The following UMAD1 variants were observed in gnomAD, a reference collection of about 807,000 sequenced individuals.
The protein encoded by UMAD1 is UBAP1-MVB12-associated (UMA) domain containing 1.
Under a neutral mutation model 6.1 loss-of-function variants are expected in UMAD1, and 8 were observed. That is an observed-to-expected ratio of 1.30 (90% confidence interval 0.76 to 2.35). The LOEUF (loss-of-function observed/expected upper bound fraction) is 2.35, where lower values mean the gene tolerates loss of function less well. Among genes scored for constraint, UMAD1 ranks in the 30% most tolerant of loss-of-function variants. The pLI is 0.00. For synonymous variants in UMAD1, 56 were observed against 31.4 expected (o/e 1.78, Z -2.61); for missense variants, 130 against 78.4 (o/e 1.66, Z -2.49).
At chr7:7,834,565 A>G (rs994797051) in intron 3 of UMAD1, among the ~76,000 whole-genome samples, 1 of 151,988 alleles carries the variant, frequency 6.6e-6, no homozygotes. Flanking sequence ...TCGGTTCCTG[A>G]TGAAGAACCC....
At chr7:7,716,533 G>C (rs937574928) in intron 2 of UMAD1, among the ~76,000 whole-genome samples, 1 of 152,220 alleles carries the variant, frequency 6.6e-6, no homozygotes, top group South Asian at 2.1e-4. Flanking sequence ...TTGGAAGCCA[G>C]GTATGTTCAA....
chr7:7,794,535 T>G (rs1002312699), intron 2 of UMAD1, among the ~76,000 whole-genome samples: 2 of 152,156 alleles, frequency 1.3e-5, no homozygotes, highest in Non-Finnish European at 2.9e-5. Flanking sequence ...AGGAGAGATC[T>G]TGGTATACCC....
At chr7:7,686,171 C>T (rs1780038032) in intron 2 of UMAD1, among the ~76,000 whole-genome samples, 1 of 152,040 alleles carries the variant, frequency 6.6e-6, no homozygotes, top group Non-Finnish European at 1.5e-5. Flanking sequence ...GGTAGAGGAG[C>T]AAAACTATTC....
At chr7:7,786,555 T>C (rs1782465186) in intron 2 of UMAD1, among the ~76,000 whole-genome samples, 1 of 152,182 alleles carries the variant, frequency 6.6e-6, no homozygotes, top group Admixed American at 6.5e-5. Context: ...GAGTAAACAT[T>C]CAGAATTCCC....
intron 2 of UMAD1, among the ~76,000 whole-genome samples, chr7:7,770,677 T>C (rs933216323): frequency 6.6e-6 from 1 of 152,156 alleles, no homozygotes; most frequent in South Asian, 2.1e-4. Flanking sequence ...TTATGAGAGT[T>C]GAAAGAATGA....
At chr7:7,791,820 C>T (rs1050115565) in intron 2 of UMAD1, among the ~76,000 whole-genome samples, 2 of 152,174 alleles carry the variant, frequency 1.3e-5, no homozygotes, top group South Asian at 2.1e-4. Context: ...AAGTAGTAAG[C>T]ATGTTTTTGA....
At chr7:7,868,583 A>G (rs1025948316) in intron 3 of UMAD1, 1 of 76,036 alleles carries the variant, frequency 1.3e-5, no homozygotes, top group Non-Finnish European at 2.3e-5. Flanking sequence ...AAAAATACTG[A>G]AAAAAAAAAA....
chr7:7,746,735 A>G (rs1781580571), intron 2 of UMAD1, among the ~76,000 whole-genome samples: 1 of 152,268 alleles, frequency 6.6e-6, no homozygotes, highest in Non-Finnish European at 1.5e-5. Context: ...TGCCAGCCAA[A>G]TGCCCTGTCC....
At position 7,796,244 on chromosome 7, in the gene UMAD1, C is replaced by CTTTTTTTTTTTTTTTTTTTTTTTTTTT. The variant is rs59221325; in HGVS notation, c.83-5402_83-5401insTTTTTTTTTTTTTTTTTTTTTTTTTTT. Among the ~76,000 whole-genome samples the CTTTTTTTTTTTTTTTTTTTTTTTTTTT allele has an allele frequency of 7.7e-4, 49 of 63,952 alleles. 9 individuals are homozygous for CTTTTTTTTTTTTTTTTTTTTTTTTTTT. The highest frequency in any genetic ancestry group is 4.6e-3 in the African/African-American group (47 of 10,244). The allele number at this position is 63,952 out of a possible 152,430, so 42.0% of individuals were successfully genotyped here. On this transcript the variant is annotated intron_variant, in intron 2 of 3. Transcript: ENST00000682710. Reference sequence around the variant, plus strand: ...ACTTTGACCCATTTCTATTTTCTTTCTTTTTTTTTTTTTTTTTTTTTTTTG... The same window carrying CTTTTTTTTTTTTTTTTTTTTTTTTTTT: ...ACTTTGACCCATTTCTATTTTCTTTCTTTTTTTTTTTTTTTTTTTTTTTTTTTTTTTTTTTTTTTTTTTTTTTTTTTG...
intron 3 of UMAD1, among the ~76,000 whole-genome samples, chr7:7,806,040 T>C (rs367757606): frequency 1.3e-5 from 2 of 152,222 alleles, no homozygotes; most frequent in East Asian, 3.8e-4. Context: ...TTTGTCCATC[T>C]GCCAGGTTAA....
chr7:7,652,846 T>G (rs901397370), intron 1 of UMAD1, among the ~76,000 whole-genome samples: 2 of 152,240 alleles, frequency 1.3e-5, no homozygotes, highest in Non-Finnish European at 2.9e-5. Flanking sequence ...AGTCAAATAA[T>G]TTTTAGTTGG....
intron 1 of UMAD1, among the ~76,000 whole-genome samples, chr7:7,664,277 C>A (rs1317817491): frequency 6.6e-6 from 1 of 152,126 alleles, no homozygotes; most frequent in African/African-American, 2.4e-5. Context: ...CTCATTCAAA[C>A]TTCACCCATC....
chr7:7,684,612 G>A (rs1271438742), intron 2 of UMAD1, among the ~76,000 whole-genome samples: 6 of 152,102 alleles, frequency 3.9e-5, no homozygotes, highest in Non-Finnish European at 8.8e-5. Flanking sequence ...TGAAACCTTA[G>A]ATGTTTTTTG....
intron 1 of UMAD1, among the ~76,000 whole-genome samples, chr7:7,667,363 T>C (rs1779491506): frequency 6.6e-6 from 1 of 152,124 alleles, no homozygotes; most frequent in African/African-American, 2.4e-5. Context: ...CAGGCGGAAG[T>C]CCAGCTGTCA....
chr7:7,770,227 C>T (rs898951376), intron 2 of UMAD1, among the ~76,000 whole-genome samples: 1 of 152,066 alleles, frequency 6.6e-6, no homozygotes, highest in Non-Finnish European at 1.5e-5. Context: ...TCAAACTTAC[C>T]TTCATCACAT....
chr7:7,715,031 T>G (rs1780862456), intron 2 of UMAD1: 1 of 152,074 alleles, frequency 6.6e-6, no homozygotes, highest in Non-Finnish European at 1.5e-5. Context: ...AACTGCAGTT[T>G]TTTGTTGTAG....
chr7:7,718,892 G>A (rs1407211113), intron 2 of UMAD1, among the ~76,000 whole-genome samples: 2 of 145,200 alleles, frequency 1.4e-5, no homozygotes, highest in African/African-American at 5.7e-5. Flanking sequence ...TGGGGGAAAT[G>A]TATGTGTGTT....
intron 2 of UMAD1, among the ~76,000 whole-genome samples, chr7:7,784,340 T>G (rs796758766): frequency 2.7e-5 from 4 of 146,920 alleles, no homozygotes; most frequent in African/African-American, 7.7e-5. Flanking sequence ...AATCTCTGTT[T>G]TTTTTTTTTT....
intron 3 of UMAD1, among the ~76,000 whole-genome samples, chr7:7,834,288 G>T (rs967974917): frequency 1.3e-5 from 2 of 152,008 alleles, no homozygotes; most frequent in African/African-American, 4.8e-5. Flanking sequence ...CTCCCAAAGT[G>T]CTGAGATTAT....
Sources: allele counts gnomAD v4.1 joint callset (sites outside exome capture counted in the v4.1 genomes callset), GRCh38; gene constraint gnomAD v4.1.1; transcripts MANE v1.5; gene names NCBI Gene and HGNC (gene_info 2026-07-23, HGNC 2026-07-21).